TRERF1: variants seen among roughly 807,000 people sequenced by gnomAD.
The protein encoded by TRERF1 is transcriptional regulating factor 1.
In TRERF1, 27 loss-of-function variants were observed where a neutral mutation model predicts 122.9. The ratio of observed to expected loss-of-function variants is 0.22; its 90% CI spans 0.16 to 0.30. The LOEUF (loss-of-function observed/expected upper bound fraction) is 0.30. Among genes scored for constraint, TRERF1 ranks in the 10% least tolerant of loss-of-function variants. TRERF1 has a pLI of 1.00. For missense variants in TRERF1, 1,248 were observed against 1,560.3 expected, an observed-to-expected ratio of 0.80 and a Z score of 3.37; for synonymous variants, 636 against 641.7, an observed-to-expected ratio of 0.99 and a Z score of 0.13.
rs569577214 is a variant in TRERF1 at position 42,228,159 on chromosome 6, C to T, written c.*186G>A. The T allele has an allele frequency of 7.3e-6, 4 of 548,902 alleles. No individual in the cohort carries two copies. Among genetic ancestry groups the T allele is most frequent in the African/African-American group, 1.9e-5 (1 of 51,712 alleles). 34.0% of individuals were successfully genotyped at this position (548,902 alleles called of 1,614,324 possible). On this transcript the variant is annotated 3_prime_UTR_variant, in exon 18 of 18. Transcript: ENST00000372922. This position sits in a 1 kb window ranked among gnomAD's most constrained non-coding sequence, Gnocchi z 4.2. Reference sequence around the variant, plus strand: ...CCAATTATTTATTCCCCCAACCCCCCACAAAAACAAATTTTTTTAAATAAA... The same window carrying T: ...CCAATTATTTATTCCCCCAACCCCCTACAAAAACAAATTTTTTTAAATAAA...
At chr6:42,452,145 T>G (rs1788664294), upstream of TRERF1, 1 of 150,862 alleles carries the variant, frequency 6.6e-6, no homozygotes, top group Admixed American at 6.6e-5. Context: ...GCCTTTTTTT[T>G]TTTTTTAAAT....
intron 3 of TRERF1, among the ~76,000 whole-genome samples, chr6:42,309,326 T>C (rs1209970645): frequency 6.6e-6 from 1 of 152,218 alleles, no homozygotes; most frequent in Non-Finnish European, 1.5e-5. Flanking sequence ...TTTTATTTTA[T>C]AGATAAGGAG....
chr6:42,245,968 C>T (rs1387254190), intron 14 of TRERF1, among the ~76,000 whole-genome samples: 6 of 152,092 alleles, frequency 3.9e-5, no homozygotes, highest in African/African-American at 9.7e-5. Context: ...ATTAGCCGGG[C>T]GTGGTGGTGC....
chr6:42,412,000 C>CTTTT (rs5875801), intron 2 of TRERF1, among the ~76,000 whole-genome samples: 6 of 125,286 alleles, frequency 4.8e-5, no homozygotes, highest in Non-Finnish European at 9.6e-5. Context: ...TTAAAAAATC[C>CTTTT]TTTTTTTTTT....
chr6:42,289,028 G>GA (rs139758214), intron 4 of TRERF1, among the ~76,000 whole-genome samples: 19,688 of 150,504 alleles, frequency 0.13, 1,321 homozygotes, highest in African/African-American at 0.15. Flanking sequence ...TTTCTATTTT[G>GA]AAAGTTTGCT....
At chr6:42,299,388 T>C (rs1281707762) in intron 4 of TRERF1, among the ~76,000 whole-genome samples, 3 of 152,130 alleles carry the variant, frequency 2.0e-5, no homozygotes, top group East Asian at 1.9e-4. Context: ...CATGTAAAGA[T>C]GGTAGAAATA....
At chr6:42,270,690 C>G (rs946006032) in intron 4 of TRERF1, among the ~76,000 whole-genome samples, 6 of 151,800 alleles carry the variant, frequency 4.0e-5, no homozygotes, top group African/African-American at 1.2e-4. Flanking sequence ...GTACCCCCAC[C>G]TATCAGGAGA....
At chr6:42,334,062 T>G (rs867745168) in intron 3 of TRERF1, among the ~76,000 whole-genome samples, 1 of 152,058 alleles carries the variant, frequency 6.6e-6, no homozygotes, top group African/African-American at 2.4e-5. Flanking sequence ...TATGTACATA[T>G]ACACATGCAC....
intron 3 of TRERF1, among the ~76,000 whole-genome samples, chr6:42,334,365 T>C (rs1765770976): frequency 6.6e-6 from 1 of 152,142 alleles, no homozygotes; most frequent in African/African-American, 2.4e-5. Flanking sequence ...TGTTCCAAAG[T>C]TGTAAAGCAA....
intron 4 of TRERF1, among the ~76,000 whole-genome samples, chr6:42,290,212 C>T (rs772267257): frequency 2.0e-4 from 31 of 152,202 alleles, no homozygotes; most frequent in Non-Finnish European, 2.1e-4. Context: ...CTTTTGTCTC[C>T]TCCATCAAAC....
intron 2 of TRERF1, among the ~76,000 whole-genome samples, chr6:42,423,958 CA>C (rs1783226942): frequency 6.6e-6 from 1 of 152,174 alleles, no homozygotes; most frequent in African/African-American, 2.4e-5. Flanking sequence ...TATTGACCTT[CA>C]AATGTAATAA....
chr6:42,319,150 A>T (rs1057205100), intron 3 of TRERF1, among the ~76,000 whole-genome samples: 6 of 151,984 alleles, frequency 3.9e-5, no homozygotes, highest in Admixed American at 1.3e-4. Flanking sequence ...CTTTTTAGAC[A>T]TTTTTTTTCC....
chr6:42,354,123 G>T lies in TRERF1; in HGVS notation c.-371+8874C>A, dbSNP rs1581746934. 2.6e-5 allele frequency among the ~76,000 whole-genome samples: 4 copies of T among 152,194 alleles called. No individual in the cohort carries two copies. In the South Asian group the frequency reaches 6.2e-4, roughly 24 times the overall value. On this transcript the variant is annotated intron_variant, in intron 3 of 17. Transcript: ENST00000372922. ...CTTTGTGAGGCATGGGTGGGATTGGGGTTTGGATCCAGCTGCCTTGGAGGG... is the reference window on the plus strand; with the variant it reads ...CTTTGTGAGGCATGGGTGGGATTGGTGTTTGGATCCAGCTGCCTTGGAGGG...
intron 2 of TRERF1, among the ~76,000 whole-genome samples, chr6:42,447,198 C>T (rs1025377482): frequency 6.6e-6 from 1 of 152,192 alleles, no homozygotes; most frequent in East Asian, 1.9e-4. Flanking sequence ...TGATGAAAGA[C>T]CAAGAATCAT....
intron 2 of TRERF1, among the ~76,000 whole-genome samples, chr6:42,422,759 GC>G (rs1214428646): frequency 6.6e-6 from 1 of 151,698 alleles, no homozygotes; most frequent in Non-Finnish European, 1.5e-5. Flanking sequence ...GTCCAGGATG[GC>G]CATGATCATC....
intron 2 of TRERF1, among the ~76,000 whole-genome samples, chr6:42,426,735 T>C (rs1334955076): frequency 6.6e-6 from 1 of 152,150 alleles, no homozygotes; most frequent in African/African-American, 2.4e-5. Context: ...GAGTGATCTG[T>C]GACTGCTTTT....
chr6:42,245,094 A>C (rs1774525162), intron 14 of TRERF1, among the ~76,000 whole-genome samples: 1 of 152,256 alleles, frequency 6.6e-6, no homozygotes, highest in Admixed American at 6.5e-5. Flanking sequence ...TGCCCGTCCC[A>C]GAGAGCCCTG....
intron 3 of TRERF1, among the ~76,000 whole-genome samples, chr6:42,308,199 A>G (rs1787624385): frequency 6.6e-6 from 1 of 152,266 alleles, no homozygotes; most frequent in Non-Finnish European, 1.5e-5. Flanking sequence ...CACAGAGCTG[A>G]AAAGGTGGAA....
intron 2 of TRERF1, among the ~76,000 whole-genome samples, chr6:42,426,730 A>G (rs985644119): frequency 9.2e-5 from 14 of 152,260 alleles, no homozygotes; most frequent in Non-Finnish European, 1.6e-4. Flanking sequence ...TTTACGAGTG[A>G]TCTGTGACTG....
Sources: gnomAD v4.1 joint callset for allele counts (sites outside exome capture counted in the v4.1 genomes callset) on GRCh38, gnomAD v4.1.1 for gene constraint, Gnocchi (gnomAD v3.1) non-coding constraint, MANE v1.5 for transcripts, NCBI Gene and HGNC (gene_info 2026-07-23, HGNC 2026-07-21) for gene names.